Variants in PDHX observed in about 807,000 individuals in gnomAD.
PDHX encodes the protein pyruvate dehydrogenase protein X component, mitochondrial.
PDHX carries 33 observed loss-of-function variants against 55.3 expected under a neutral mutation model. That is an observed-to-expected ratio of 0.60 (90% confidence interval 0.45 to 0.80). PDHX has a LOEUF of 0.80. Among genes scored for constraint, PDHX ranks in the 30% least tolerant of loss-of-function variants. PDHX has a pLI of 0.00. For missense variants in PDHX, 622 were observed against 619.9 expected, an observed-to-expected ratio of 1.00 and a Z score of -0.04; for synonymous variants, 226 against 219.4, an observed-to-expected ratio of 1.03 and a Z score of -0.27.
Position 34,918,743 on chromosome 11 carries a change from A to C in PDHX, c.160+1928A>C, listed in dbSNP as rs772650015. On this transcript the variant is annotated intron_variant, in intron 1 of 10. Coordinates refer to ENST00000227868, the MANE Select transcript of PDHX (RefSeq NM_003477.3). Reference sequence around the variant, plus strand: ...AGGTCCGAAGTCCAAAATGGATCTAACTAGGCTAAAATCAAGCTATTGGTA... The same window carrying C: ...AGGTCCGAAGTCCAAAATGGATCTACCTAGGCTAAAATCAAGCTATTGGTA... Among the ~76,000 whole-genome samples the C allele has an allele frequency of 3.3e-4, 50 of 152,204 alleles. 1 individual carries two copies. Among genetic ancestry groups the C allele is most frequent in the Non-Finnish European group, 3.4e-4 (23 of 68,030 alleles).
chr11:34,933,620 C>G (rs1279264488), intron 2 of PDHX, among the ~76,000 whole-genome samples: 1 of 152,158 alleles, frequency 6.6e-6, no homozygotes, highest in African/African-American at 2.4e-5. Context: ...AAGGACCAAT[C>G]CAGTCGCAGT....
Position 34,957,510 on chromosome 11 carries a change from T to A in PDHX, c.469T>A (p.Ser157Thr), listed in dbSNP as rs1208593703. The A allele has an allele frequency of 6.2e-7, 1 of 1,613,920 alleles. No homozygotes were observed. Among genetic ancestry groups the A allele is most frequent in the African/African-American group, 1.3e-5 (1 of 74,860 alleles). ...TCCTCCACCACCAGTTTCAAAACCT[T>A]CAGAGCCTCGCCCCTCACCAGAACC... ...VGPPPPVSKP[S>T]EPRPSPEPQI... Residue 157 changes from serine to threonine, a missense_variant, in exon 4 of 11, where the codon TCA (serine) becomes ACA (threonine). Transcript: ENST00000227868.
intron 8 of PDHX, among the ~76,000 whole-genome samples, chr11:34,983,375 G>A (rs927885926): frequency 1.5e-4 from 23 of 152,186 alleles, no homozygotes; most frequent in Non-Finnish European, 4.4e-5. Flanking sequence ...AGGCAGAGAT[G>A]CTCTCTCTCA....
chr11:34,991,260 T>C (rs1855751965), intron 9 of PDHX, among the ~76,000 whole-genome samples: 1 of 152,166 alleles, frequency 6.6e-6, no homozygotes, highest in Admixed American at 6.5e-5. Context: ...GATTTAGCTA[T>C]AGGATCAAGA....
At chr11:34,943,996 G>A (rs1590741308) in intron 2 of PDHX, among the ~76,000 whole-genome samples, 1 of 151,022 alleles carries the variant, frequency 6.6e-6, no homozygotes, top group African/African-American at 2.4e-5. Flanking sequence ...AATCTTTGCT[G>A]TTATTACTGT....
chr11:34,984,798 G>A (rs564367035), intron 9 of PDHX, 70 bp downstream of exon 9: 14 of 1,448,910 alleles, frequency 9.7e-6, no homozygotes, highest in Admixed American at 3.3e-5. Context: ...TTCTGATAAA[G>A]TTGTGACGTA....
chr11:34,929,218 T>G (rs1037564994), intron 1 of PDHX, among the ~76,000 whole-genome samples: 3 of 152,170 alleles, frequency 2.0e-5, no homozygotes, highest in Admixed American at 2.0e-4. Flanking sequence ...ATATTCATTG[T>G]CAGTAGTAAA....
intron 6 of PDHX, among the ~76,000 whole-genome samples, chr11:34,969,532 T>C (rs1855210576): frequency 6.6e-6 from 1 of 151,902 alleles, no homozygotes; most frequent in Non-Finnish European, 1.5e-5. Context: ...TTAGTAGAGA[T>C]GGGGTTTCAC....
intron 1 of PDHX, among the ~76,000 whole-genome samples, chr11:34,921,741 A>T (rs1035984827): frequency 2.6e-5 from 4 of 152,198 alleles, no homozygotes; most frequent in Non-Finnish European, 5.9e-5. Context: ...GGTAAATGAG[A>T]TCTTACTACA....
At chr11:34,989,085 G>A (rs1292052516) in intron 9 of PDHX, among the ~76,000 whole-genome samples, 2 of 152,200 alleles carry the variant, frequency 1.3e-5, no homozygotes, top group Non-Finnish European at 2.9e-5. Context: ...AGATGGGATA[G>A]CCTGCTACAC....
chr11:34,991,645 AT>A (rs1855759888), intron 9 of PDHX, among the ~76,000 whole-genome samples: 5 of 152,080 alleles, frequency 3.3e-5, no homozygotes, highest in Admixed American at 3.3e-4. Flanking sequence ...ATGGTGGCTC[AT>A]ACCTGTAATC....
intron 2 of PDHX, among the ~76,000 whole-genome samples, chr11:34,940,384 T>C (rs929785819): frequency 3.3e-5 from 5 of 152,218 alleles, no homozygotes; most frequent in African/African-American, 1.2e-4. Flanking sequence ...TTATCCTATA[T>C]CACTAGATGC....
In PDHX at chr11:34,990,674, C is replaced by T. The variant is rs146679550; in HGVS notation, c.1183-1641C>T. ...TGCTTTTATAGATTATTCTCTCTCC[C>T]GTTATTCCAAGAACTGTATAAGTCA... is the stretch of plus-strand genomic sequence containing the variant. On this transcript the variant is annotated intron_variant, in intron 9 of 10. Coordinates refer to ENST00000227868, the MANE Select transcript of PDHX (RefSeq NM_003477.3). Among the ~76,000 whole-genome samples, 195 of 152,220 alleles carry T rather than the reference C, an allele frequency of 1.3e-3. 1 individual carries two copies. The highest frequency in any genetic ancestry group is 2.2e-3 in the Non-Finnish European group (147 of 67,982).
rs956724071 is a variant in PDHX at position 34,974,587 on chromosome 11, A to G, written c.965-3537A>G. On this transcript the variant is annotated intron_variant, in intron 7 of 10. Transcript: ENST00000227868. ...ATTTTTAATTTTTTAAGGAGCTACC[A>G]TACTGTTTTCCTTAGTGGCTGTGCC... Among the ~76,000 whole-genome samples, 6 of 152,318 alleles carry G rather than the reference A, an allele frequency of 3.9e-5. No individual in the cohort carries two copies. In the South Asian group the frequency reaches 6.2e-4, roughly 16 times the overall value.
At chr11:34,939,946 A>G (rs755523606) in intron 2 of PDHX, among the ~76,000 whole-genome samples, 1 of 152,162 alleles carries the variant, frequency 6.6e-6, no homozygotes, top group Non-Finnish European at 1.5e-5. Context: ...TTTTATTACA[A>G]GTTTTTTATT....
intron 2 of PDHX, among the ~76,000 whole-genome samples, chr11:34,934,715 A>G (rs2133949660): frequency 6.6e-6 from 1 of 150,760 alleles, no homozygotes; most frequent in Admixed American, 6.6e-5. Flanking sequence ...AGTAGCTGGG[A>G]CCACAGGCAT....
At chr11:34,989,430 GC>G (rs1855715198) in intron 9 of PDHX, among the ~76,000 whole-genome samples, 1 of 152,182 alleles carries the variant, frequency 6.6e-6, no homozygotes, top group South Asian at 2.1e-4. Context: ...AGAGTACTCT[GC>G]CAAAGAAGCA....
chr11:34,942,931 A>G (rs950368009), intron 2 of PDHX, among the ~76,000 whole-genome samples: 1 of 152,222 alleles, frequency 6.6e-6, no homozygotes, highest in Non-Finnish European at 1.5e-5. Flanking sequence ...TTTTTAAAAA[A>G]GAAAAAAAGG....
intron 1 of PDHX, among the ~76,000 whole-genome samples, chr11:34,919,570 C>T (rs1590724340): frequency 2.0e-5 from 3 of 152,272 alleles, no homozygotes; most frequent in South Asian, 4.1e-4. Context: ...TTGGCATCAT[C>T]TGCATTTAGT....
Sources: allele counts gnomAD v4.1 joint callset (sites outside exome capture counted in the v4.1 genomes callset), GRCh38; gene constraint gnomAD v4.1.1; transcripts MANE v1.5; gene names NCBI Gene and HGNC (gene_info 2026-07-23, HGNC 2026-07-21).